ST7: variants seen among roughly 807,000 people sequenced by gnomAD.
The protein encoded by ST7 is suppressor of tumorigenicity 7 protein.
ST7 carries 28 observed loss-of-function variants against 78.7 expected under a neutral mutation model. The ratio of observed to expected loss-of-function variants is 0.36; its 90% CI spans 0.26 to 0.49. The LOEUF (loss-of-function observed/expected upper bound fraction) is 0.49. ST7 is among the 20% of genes least tolerant of loss of function. The pLI, the probability that ST7 is intolerant of heterozygous loss-of-function variation, is 0.99. For synonymous variants in ST7, 247 were observed against 249.6 expected (o/e 0.99, Z 0.10); for missense variants, 418 against 696.0 (o/e 0.60, Z 4.49).
At chr7:117,087,216 T>C (rs550428063) in intron 1 of ST7, among the ~76,000 whole-genome samples, 3 of 152,206 alleles carry the variant, frequency 2.0e-5, no homozygotes, top group Non-Finnish European at 2.9e-5. Flanking sequence ...AGGCAAACTA[T>C]TTAGTTTTCA....
chr7:117,159,483 G>A (rs1806959488), intron 9 of ST7, among the ~76,000 whole-genome samples: 1 of 152,144 alleles, frequency 6.6e-6, no homozygotes, highest in Admixed American at 6.5e-5. Flanking sequence ...TTACCAGTGT[G>A]GAGAAGATAG....
At chr7:117,139,937 G>A (rs1018686053) in intron 9 of ST7, among the ~76,000 whole-genome samples, 3 of 152,120 alleles carry the variant, frequency 2.0e-5, no homozygotes, top group African/African-American at 7.2e-5. Context: ...TGAAGGATGA[G>A]GTATTTCTCT....
chr7:117,050,971 C>T lies in ST7; in HGVS notation c.152-48791C>T, dbSNP rs190993074. ...GAAAAGAAAATATTTTCAGGCTATG[C>T]GGTTTGAGTTTTTCAAATTTTTGTA... On this transcript the variant is annotated intron_variant, in intron 1 of 15. Transcript: ENST00000323984. 3.0e-3 allele frequency among the ~76,000 whole-genome samples: 455 copies of T among 151,406 alleles called. 1 individual carries two copies. The highest frequency in any genetic ancestry group is 4.2e-3 in the Non-Finnish European group (287 of 67,866).
At chr7:117,093,777 CGTATTAGGCACTTTA>C (rs1800820217) in intron 1 of ST7, among the ~76,000 whole-genome samples, 3 of 152,094 alleles carry the variant, frequency 2.0e-5, no homozygotes, top group Non-Finnish European at 4.4e-5. Context: ...TGAGGTCTGC[CGTATTAGGCACTTTA>C]TCTACAATAT....
chr7:117,029,037 A>G lies in ST7; in HGVS notation c.152-70725A>G, dbSNP rs149605905. On this transcript the variant is annotated intron_variant, in intron 1 of 15. Coordinates refer to ENST00000323984, the MANE Select transcript of ST7 (RefSeq NM_001369598.1). Reference sequence around the variant, plus strand: ...CCGATAACATGGATAATTAACACATATTTTGTATGTTAAATATATAGCTAT... The same window carrying G: ...CCGATAACATGGATAATTAACACATGTTTTGTATGTTAAATATATAGCTAT... Among the ~76,000 whole-genome samples the G allele has an allele frequency of 6.0e-4, 91 of 152,290 alleles. No individual in the cohort carries two copies. The East Asian group carries it at 0.013, about 23-fold the overall frequency.
intron 15 of ST7, chr7:117,223,656 T>C (rs1262337080): frequency 1.3e-5 from 2 of 152,498 alleles, no homozygotes; most frequent in Non-Finnish European, 2.9e-5. Context: ...TTCATTCTTT[T>C]ATACTCAGCT....
chr7:117,073,472 A>G lies in ST7; in HGVS notation c.152-26290A>G, dbSNP rs1014986743. 6.6e-5 allele frequency among the ~76,000 whole-genome samples: 10 copies of G among 152,214 alleles called. 1 individual carries two copies. The highest frequency in any genetic ancestry group is 6.5e-4 in the Admixed American group (10 of 15,284). On this transcript the variant is annotated intron_variant, in intron 1 of 15. Coordinates refer to ENST00000323984, the MANE Select transcript of ST7 (RefSeq NM_001369598.1). ...TGTTTTCATCCATCTATCCTGAGGAAGGTCCACAATTATTGAATAATAACT... is the reference window on the plus strand; with the variant it reads ...TGTTTTCATCCATCTATCCTGAGGAGGGTCCACAATTATTGAATAATAACT...
chr7:117,085,754 G>T (rs1193003433), intron 1 of ST7, among the ~76,000 whole-genome samples: 2 of 152,072 alleles, frequency 1.3e-5, no homozygotes, highest in Non-Finnish European at 2.9e-5. Context: ...TATGTAGAAA[G>T]TGTTTTGTTA....
intron 9 of ST7, among the ~76,000 whole-genome samples, chr7:117,154,349 G>A (rs187128485): frequency 6.6e-6 from 1 of 152,320 alleles, no homozygotes; most frequent in Admixed American, 6.5e-5. Flanking sequence ...CCAGAACTGT[G>A]AGAAATAGAT....
chr7:117,118,455 T>C (rs1027309459), intron 2 of ST7: 1 of 152,200 alleles, frequency 6.6e-6, no homozygotes, highest in African/African-American at 2.4e-5. Flanking sequence ...TTTAGAAATC[T>C]TTAATAGAAC....
intron 3 of ST7, among the ~76,000 whole-genome samples, chr7:117,120,105 A>G (rs542196874): frequency 6.6e-6 from 1 of 152,038 alleles, no homozygotes; most frequent in South Asian, 2.1e-4. Flanking sequence ...TAATTTTTGT[A>G]TCTTTTGTAG....
intron 1 of ST7, chr7:116,955,285 C>T (rs919309665): frequency 9.0e-6 from 3 of 333,834 alleles, no homozygotes; most frequent in Non-Finnish European, 1.8e-5. Flanking sequence ...AACAGAATAC[C>T]ACAGATTGGG....
At chr7:116,980,686 A>G (rs1793919579) in intron 1 of ST7, among the ~76,000 whole-genome samples, 1 of 152,260 alleles carries the variant, frequency 6.6e-6, no homozygotes, top group South Asian at 2.1e-4. Context: ...TCAAATTTGT[A>G]GAAAAGTTGA....
intron 12 of ST7, among the ~76,000 whole-genome samples, chr7:117,204,074 G>GTCTCCATAT (rs1162005519): frequency 2.0e-5 from 3 of 152,186 alleles, no homozygotes; most frequent in African/African-American, 7.2e-5. Context: ...CTTTATGCTT[G>GTCTCCATAT]CCTCCATATC....
intron 1 of ST7, among the ~76,000 whole-genome samples, chr7:116,998,421 C>T (rs554464964): frequency 1.3e-5 from 2 of 152,334 alleles, no homozygotes; most frequent in African/African-American, 2.4e-5. Context: ...GCTCCGGCCT[C>T]GGCCAGCCCT....
chr7:117,041,739 A>G (rs1185342613), intron 1 of ST7, among the ~76,000 whole-genome samples: 2 of 152,230 alleles, frequency 1.3e-5, no homozygotes, highest in Non-Finnish European at 2.9e-5. Context: ...TGGTAAACAC[A>G]GTAATGGCCC....
At chr7:117,070,340 CATAAA>C (rs1798863729) in intron 1 of ST7, among the ~76,000 whole-genome samples, 1 of 152,146 alleles carries the variant, frequency 6.6e-6, no homozygotes, top group African/African-American at 2.4e-5. Flanking sequence ...GACGATGAAC[CATAAA>C]ATATAAAGCA....
At chr7:117,059,448 G>C (rs1202702053) in intron 1 of ST7, among the ~76,000 whole-genome samples, 1 of 152,150 alleles carries the variant, frequency 6.6e-6, no homozygotes, top group Non-Finnish European at 1.5e-5. Flanking sequence ...TGATATGCTA[G>C]AATGGACAGA....
chr7:117,030,547 A>C (rs1001723526), intron 1 of ST7, among the ~76,000 whole-genome samples: 32 of 152,344 alleles, frequency 2.1e-4, no homozygotes, highest in African/African-American at 7.2e-4. Flanking sequence ...GACACTTTTC[A>C]AAAGAAGACA....
Sources: allele counts gnomAD v4.1 joint callset (sites outside exome capture counted in the v4.1 genomes callset), GRCh38; gene constraint gnomAD v4.1.1; transcripts MANE v1.5; gene names NCBI Gene and HGNC (gene_info 2026-07-23, HGNC 2026-07-21).